The following NRG1 variants were observed in gnomAD, a reference collection of about 807,000 sequenced individuals.
NRG1 encodes the protein pro-neuregulin-1, membrane-bound isoform.
A neutral mutation model predicts 63.8 loss-of-function variants in NRG1; 18 were observed. The observed-to-expected ratio is 0.28, with a 90% CI of 0.19 to 0.42. The LOEUF is 0.42. NRG1 is among the 10% of genes least tolerant of loss of function. The pLI, the probability that NRG1 is intolerant of heterozygous loss-of-function variation, is 1.00. For synonymous variants in NRG1, 302 were observed against 301.3 expected (o/e 1.00, Z -0.02); for missense variants, 762 against 814.7 (o/e 0.94, Z 0.79).
intron 1 of NRG1, among the ~76,000 whole-genome samples, chr8:31,934,082 T>C (rs1018528238): frequency 5.3e-5 from 8 of 152,162 alleles, no homozygotes; most frequent in African/African-American, 9.7e-5. Context: ...TTATAAATCA[T>C]GTGCATATGT....
At chr8:32,000,631 T>C (rs1812775002) in intron 1 of NRG1, among the ~76,000 whole-genome samples, 1 of 152,010 alleles carries the variant, frequency 6.6e-6, no homozygotes, top group African/African-American at 2.4e-5. Flanking sequence ...GAAGAAATGG[T>C]ACAACCAGAC....
chr8:31,803,453 A>G (rs1821984690), intron 1 of NRG1, among the ~76,000 whole-genome samples: 1 of 152,196 alleles, frequency 6.6e-6, no homozygotes, highest in Non-Finnish European at 1.5e-5. Context: ...AATTCAAGTA[A>G]GCTTAGACAT....
At chr8:32,067,703 C>T (rs774168701) in intron 1 of NRG1, among the ~76,000 whole-genome samples, 8 of 152,060 alleles carry the variant, frequency 5.3e-5, no homozygotes, top group Admixed American at 4.6e-4. Flanking sequence ...ATCTCCTCCA[C>T]CTTTGAGGTG....
chr8:31,678,088 G>GTTATTTATTTATTTATTTAT (rs56884285), intron 1 of NRG1, among the ~76,000 whole-genome samples: 19 of 149,970 alleles, frequency 1.3e-4, no homozygotes, highest in South Asian at 4.2e-4. Flanking sequence ...CTTTTAACTT[G>GTTATTTATTTATTTATTTAT]TTATTTATTT....
At chr8:31,671,601 C>T (rs1054518405) in intron 1 of NRG1, among the ~76,000 whole-genome samples, 4 of 152,114 alleles carry the variant, frequency 2.6e-5, no homozygotes, top group Non-Finnish European at 5.9e-5. Flanking sequence ...GAGAGGCAAA[C>T]ACAAGTCAAG....
intron 1 of NRG1, among the ~76,000 whole-genome samples, chr8:32,124,360 G>A (rs890961735): frequency 6.6e-6 from 1 of 151,804 alleles, no homozygotes; most frequent in African/African-American, 2.4e-5. Flanking sequence ...GATTCTCCAA[G>A]CCTGACACTC....
At chr8:32,239,735 G>A (rs1278580017) in intron 1 of NRG1, among the ~76,000 whole-genome samples, 1 of 151,990 alleles carries the variant, frequency 6.6e-6, no homozygotes, top group Non-Finnish European at 1.5e-5. Flanking sequence ...ATCCAATTAG[G>A]AAAATGGGCA....
At chr8:32,260,803 G>A (rs1160261004) in intron 1 of NRG1, among the ~76,000 whole-genome samples, 1 of 152,142 alleles carries the variant, frequency 6.6e-6, no homozygotes, top group African/African-American at 2.4e-5. Flanking sequence ...GGCACCCACT[G>A]TGGGCTGGGC....
At chr8:32,603,808 G>C (rs1844783153) in intron 2 of NRG1, among the ~76,000 whole-genome samples, 1 of 152,114 alleles carries the variant, frequency 6.6e-6, no homozygotes, top group African/African-American at 2.4e-5. Flanking sequence ...ATGTTGGTTT[G>C]ACCACCACTG....
At chr8:31,991,791 T>C (rs943250600) in intron 1 of NRG1, among the ~76,000 whole-genome samples, 2 of 151,962 alleles carry the variant, frequency 1.3e-5, no homozygotes, top group African/African-American at 4.8e-5. Context: ...TTCCCTTTTC[T>C]CCTTCTCTTT....
At position 31,882,329 on chromosome 8, in the gene NRG1, T is replaced by TAAAA. The variant is rs745615085; in HGVS notation, c.37+242921_37+242924dup. ...CTGTTGAGACTTACTGCTCAAAAAC[T>TAAAA]AAAAAAAAAAAAAAAAAAAAAAAAA... On this transcript the variant is annotated intron_variant, in intron 1 of 10. Transcript: ENST00000519301. 5.2e-3 allele frequency among the ~76,000 whole-genome samples: 417 copies of TAAAA among 79,816 alleles called. 2 individuals are homozygous for TAAAA. Among genetic ancestry groups the TAAAA allele is most frequent in the Middle Eastern group, 0.029 (4 of 136 alleles). 52.4% of individuals were successfully genotyped at this position (79,816 alleles called of 152,430 possible). A position where few individuals can be genotyped will look rare whatever the true frequency, so the allele number is the denominator to read the frequency against.
At chr8:32,053,340 T>G (rs1463343198) in intron 1 of NRG1, among the ~76,000 whole-genome samples, 1 of 152,148 alleles carries the variant, frequency 6.6e-6, no homozygotes, top group Non-Finnish European at 1.5e-5. Flanking sequence ...AATGAGTGAA[T>G]GAGAAAATGA....
chr8:32,176,540 A>G (rs1840752359), intron 1 of NRG1, among the ~76,000 whole-genome samples: 1 of 152,216 alleles, frequency 6.6e-6, no homozygotes, highest in Non-Finnish European at 1.5e-5. Context: ...GTAAACAGGC[A>G]GCCTACAGAA....
chr8:31,640,134 C>A lies in NRG1; in HGVS notation c.37+703C>A. ...CGGCCCTGGCGCCGGGGGCGGCGGC[C>A]GGCAACGAGGCGGCTCCCGCGGGGG... On this transcript the variant is annotated intron_variant, in intron 1 of 10. Transcript: ENST00000519301. The surrounding 1 kb of genome is among the most constrained non-coding windows in gnomAD (Gnocchi z 6.3). 8.6e-7 allele frequency: 1 copy of A among 1,162,258 alleles called. No homozygotes were observed. Among genetic ancestry groups the A allele is most frequent in the Non-Finnish European group, 1.1e-6 (1 of 943,856 alleles). The allele number at this position is 1,162,258 out of a possible 1,614,324, so 72.0% of individuals were successfully genotyped here. A position where few individuals can be genotyped will look rare whatever the true frequency, so the allele number is the denominator to read the frequency against.
At chr8:32,222,473 GAA>G (rs1455795177) in intron 1 of NRG1, among the ~76,000 whole-genome samples, 1 of 151,760 alleles carries the variant, frequency 6.6e-6, no homozygotes, top group African/African-American at 2.4e-5. Flanking sequence ...TTAACCCCTA[GAA>G]ACAGAAAGAA....
intron 1 of NRG1, among the ~76,000 whole-genome samples, chr8:32,423,821 T>C (rs1350461111): frequency 6.6e-6 from 1 of 152,174 alleles, no homozygotes; most frequent in Non-Finnish European, 1.5e-5. Context: ...TCTGAAGATA[T>C]GACCAGTTTC....
intron 1 of NRG1, among the ~76,000 whole-genome samples, chr8:31,751,872 A>G (rs1458160144): frequency 6.6e-6 from 1 of 152,002 alleles, no homozygotes; most frequent in African/African-American, 2.4e-5. Flanking sequence ...GGTGCCGTTT[A>G]TGGAGATACG....
At chr8:31,843,527 A>G (rs2129608049) in intron 1 of NRG1, among the ~76,000 whole-genome samples, 1 of 152,278 alleles carries the variant, frequency 6.6e-6, no homozygotes, top group East Asian at 1.9e-4. Flanking sequence ...AGGTGCACCT[A>G]AGGCTGGTGC....
At chr8:31,677,063 G>A (rs1372727593) in intron 1 of NRG1, among the ~76,000 whole-genome samples, 1 of 152,198 alleles carries the variant, frequency 6.6e-6, no homozygotes, top group East Asian at 1.9e-4. Flanking sequence ...CTGAATGTTT[G>A]CCATGTGCTC....
Sources: allele counts gnomAD v4.1 joint callset (sites outside exome capture counted in the v4.1 genomes callset), GRCh38; gene constraint gnomAD v4.1.1; non-coding constraint Gnocchi (gnomAD v3.1); transcripts MANE v1.5; gene names NCBI Gene and HGNC (gene_info 2026-07-23, HGNC 2026-07-21).